Variants in ATP13A3 observed in about 807,000 individuals in gnomAD.
ATP13A3 encodes the protein ATPase 13A3, also known as polyamine-transporting ATPase 13A3.
Under a neutral mutation model 158.1 loss-of-function variants are expected in ATP13A3, and 59 were observed. The ratio of observed to expected loss-of-function variants is 0.37; its 90% CI spans 0.30 to 0.46. The LOEUF is 0.46. ATP13A3 is among the 20% of genes least tolerant of loss of function. The probability of loss-of-function intolerance (pLI) is 1.00; values close to 1 mark genes in which losing one functional copy is unlikely to be tolerated. For missense variants in ATP13A3, 1,166 were observed against 1,525.2 expected (o/e 0.76, Z 3.92); for synonymous variants, 491 against 504.3 (o/e 0.97, Z 0.35).
At chr3:194,432,716 T>A (rs1717316174) in intron 21 of ATP13A3, among the ~76,000 whole-genome samples, 1 of 152,114 alleles carries the variant, frequency 6.6e-6, no homozygotes, top group African/African-American at 2.4e-5. Flanking sequence ...ATTAGATAGA[T>A]CTCAAGAGTC....
chr3:194,419,069 CAG>C (rs1294155156), intron 31 of ATP13A3, among the ~76,000 whole-genome samples: 1 of 152,074 alleles, frequency 6.6e-6, no homozygotes, highest in East Asian at 1.9e-4. Context: ...TATTTACCAA[CAG>C]AGGATGGAGA....
chr3:194,421,136 A>ATATATATATACT lies in ATP13A3; in HGVS notation c.3314-1170_3314-1169insAGTATATATATA, dbSNP rs1491477047. Reference sequence around the variant, plus strand: ...GGTGTATATATATATATATATATATAGTATATATATATATATATATATATA... The same window carrying ATATATATATACT: ...GGTGTATATATATATATATATATATATATATATATACTGTATATATATATATATATATATATA... On this transcript the variant is annotated intron_variant, in intron 30 of 33. Transcript: ENST00000645319. 6.6e-4 allele frequency among the ~76,000 whole-genome samples: 2 copies of ATATATATATACT among 3,022 alleles called. 1 individual carries two copies. Among genetic ancestry groups the ATATATATATACT allele is most frequent in the Non-Finnish European group, 1.0e-3 (2 of 1,952 alleles). The allele number at this position is 3,022 out of a possible 152,430, so 2.0% of individuals were successfully genotyped here.
chr3:194,419,843 C>T, intron 31 of ATP13A3, 36 bp downstream of exon 31: 1 of 1,551,740 alleles, frequency 6.4e-7, no homozygotes, highest in Non-Finnish European at 8.6e-7. Flanking sequence ...ACAGGTTAGT[C>T]TTTTTCCCCA....
At chr3:194,410,244 G>A (rs1715265572) in intron 33 of ATP13A3, among the ~76,000 whole-genome samples, 1 of 120,312 alleles carries the variant, frequency 8.3e-6, no homozygotes, top group Non-Finnish European at 1.6e-5. Flanking sequence ...CAGATGGCTT[G>A]AACCCAGGAG....
At chr3:194,477,512 T>C (rs1464483270) in intron 2 of ATP13A3, among the ~76,000 whole-genome samples, 1 of 152,188 alleles carries the variant, frequency 6.6e-6, no homozygotes, top group Non-Finnish European at 1.5e-5. Context: ...CCAGGTCCCT[T>C]AGTGACCTCA....
intron 17 of ATP13A3, among the ~76,000 whole-genome samples, chr3:194,438,648 G>A (rs570350939): frequency 1.3e-5 from 2 of 152,162 alleles, no homozygotes; most frequent in Admixed American, 1.3e-4. Context: ...TTAAATGTAA[G>A]TAAGCAGGCT....
chr3:194,419,648 C>G (rs1056437146), intron 31 of ATP13A3: 6 of 460,524 alleles, frequency 1.3e-5, no homozygotes, highest in Admixed American at 1.3e-4. Context: ...TTTTAAAGAC[C>G]AAGGGCTATT....
intron 27 of ATP13A3, 109 bp downstream of exon 27, chr3:194,429,569 T>C: frequency 1.4e-6 from 1 of 711,310 alleles, no homozygotes; most frequent in Non-Finnish European, 2.2e-6. Flanking sequence ...TAGGTACTAC[T>C]CACAGAAACA....
intron 2 of ATP13A3, among the ~76,000 whole-genome samples, chr3:194,467,247 TAGA>T (rs1000403969): frequency 7.2e-5 from 11 of 152,372 alleles, no homozygotes; most frequent in Non-Finnish European, 1.0e-4. Flanking sequence ...TCTCCATCTA[TAGA>T]AGGAGTTCAT....
In ATP13A3 at chr3:194,405,618, T is replaced by A. The variant is rs1714877476; in HGVS notation, c.*301A>T. 6.1e-5 allele frequency: 17 copies of A among 277,930 alleles called. 1 individual carries two copies. In the South Asian group the frequency reaches 7.4e-4, roughly 12 times the overall value. The allele number at this position is 277,930 out of a possible 1,614,324, so 17.2% of individuals were successfully genotyped here. On this transcript the variant is annotated 3_prime_UTR_variant, in exon 34 of 34. Coordinates refer to ENST00000645319, the MANE Select transcript of ATP13A3 (RefSeq NM_001367549.1). The stretch of plus-strand genomic sequence containing the variant: ...AAAAACCTACCAAACACCAAACTTC[T>A]CCTGTACCCAATATAAAGAATATCA...
Position 194,447,840 on chromosome 3 carries a change from C to A in ATP13A3, c.1308+12G>T, listed in dbSNP as rs988748114. 1.9e-6 allele frequency: 3 copies of A among 1,598,604 alleles called. No individual in the cohort carries two copies. Among genetic ancestry groups the A allele is most frequent in the Non-Finnish European group, 2.6e-6 (3 of 1,167,246 alleles). Reference sequence around the variant, plus strand: ...TGAGGTTCAAACCCTATTAAGAGTCCCACATACATACCTCATTTAAAATGC... The same window carrying A: ...TGAGGTTCAAACCCTATTAAGAGTCACACATACATACCTCATTTAAAATGC... On this transcript the variant is annotated intron_variant, in intron 13 of 33. Transcript: ENST00000645319.
At position 194,459,832 on chromosome 3, in the gene ATP13A3, T is replaced by C. The variant is rs1477385938; in HGVS notation, c.365A>G (p.Asn122Ser). 6.2e-7 allele frequency: 1 copy of C among 1,613,228 alleles called. No individual in the cohort carries two copies. The highest frequency in any genetic ancestry group is 8.5e-7 in the Non-Finnish European group (1 of 1,179,642). Residue 122 changes from asparagine to serine, a missense_variant, in exon 5 of 34, where the codon AAT becomes AGT. Physicochemically the swap from Asn to Ser is conservative, Grantham distance 46 (BLOSUM62 1). This residue lies in a region of ATP13A3 where 104 missense variants were observed against 91.7 expected (regional missense o/e 1.13). Coordinates refer to ENST00000645319, the MANE Select transcript of ATP13A3 (RefSeq NM_001367549.1). ...TGAATATTTACTGATCCTGTGCCTATTTTCTTCAGTGGGATTCTCAATTAA... is the reference window on the plus strand; with the variant it reads ...TGAATATTTACTGATCCTGTGCCTACTTTCTTCAGTGGGATTCTCAATTAA... ...VCLIENPTEE[N>S]RHRISKYSQT...
intron 31 of ATP13A3, among the ~76,000 whole-genome samples, chr3:194,415,071 C>T (rs1051031752): frequency 1.6e-4 from 24 of 151,980 alleles, no homozygotes; most frequent in African/African-American, 5.6e-4. Flanking sequence ...GGGAGTGGAG[C>T]CAAAGTGGAA....
intron 15 of ATP13A3, among the ~76,000 whole-genome samples, chr3:194,444,034 CATCT>C (rs1487380784): frequency 6.6e-6 from 1 of 152,084 alleles, no homozygotes; most frequent in Non-Finnish European, 1.5e-5. Flanking sequence ...CATATCCATC[CATCT>C]GGCAAAAATT....
chr3:194,436,339 A>G (rs115368300), intron 20 of ATP13A3, among the ~76,000 whole-genome samples: 5,478 of 152,282 alleles, frequency 0.036, 353 homozygotes, highest in African/African-American at 0.13. Context: ...ACGGGGGGAC[A>G]TGGAGAGTAC....
In ATP13A3 at chr3:194,450,210, G is replaced by A; in HGVS notation, c.905C>T (p.Thr302Ile). 1.9e-6 allele frequency: 3 copies of A among 1,613,404 alleles called. No individual in the cohort carries two copies. Among genetic ancestry groups the A allele is most frequent in the Non-Finnish European group, 2.5e-6 (3 of 1,179,488 alleles). ...AAGCACAGCATCACAAGGCATTATT[G>A]TCCCATTTAATGGAATGACCATGAC... ...GDVMVIPLNG[T>I]IMPCDAVLIN... The change falls in exon 11 of 34, where the codon ACA (threonine) becomes ATA (isoleucine). Residue 302 changes from threonine to isoleucine, a missense_variant. This residue lies in a region of ATP13A3 where 997 missense variants were observed against 1,341.2 expected (regional missense o/e 0.74). Transcript: ENST00000645319.
At chr3:194,454,609 A>G (rs1402540696) in intron 8 of ATP13A3, among the ~76,000 whole-genome samples, 3 of 140,520 alleles carry the variant, frequency 2.1e-5, no homozygotes, top group African/African-American at 7.8e-5. Context: ...CGGGCGGATC[A>G]TGAGGTCAGG....
At chr3:194,427,674 TAAATAAA>T (rs1177953507) in intron 28 of ATP13A3, among the ~76,000 whole-genome samples, 2 of 143,870 alleles carry the variant, frequency 1.4e-5, no homozygotes, top group South Asian at 2.1e-4. Context: ...AATAAATAAA[TAAATAAA>T]TAATTTTAAA....
intron 2 of ATP13A3, chr3:194,472,166 C>T (rs903923643): frequency 6.4e-6 from 1 of 155,082 alleles, no homozygotes. Context: ...ACGACATTAA[C>T]TCTGCACCGT....
Sources: allele counts gnomAD v4.1 joint callset (sites outside exome capture counted in the v4.1 genomes callset), GRCh38; gene constraint gnomAD v4.1.1; regional missense constraint gnomAD v4.1.1; transcripts MANE v1.5; gene names NCBI Gene and HGNC (gene_info 2026-07-23, HGNC 2026-07-21).